Variants in TBC1D8 observed in about 807,000 individuals in gnomAD.
TBC1D8 encodes the protein BUB2-like protein 1.
Under a neutral mutation model 118.8 loss-of-function variants are expected in TBC1D8, and 65 were observed. That is an observed-to-expected ratio of 0.55 (90% CI 0.45 to 0.67). The LOEUF (loss-of-function observed/expected upper bound fraction) is 0.67, where lower values mean the gene tolerates loss of function less well. TBC1D8 is among the 30% of genes least tolerant of loss of function. The probability of loss-of-function intolerance (pLI) is 0.00; values close to 1 mark genes in which losing one functional copy is unlikely to be tolerated. For synonymous variants in TBC1D8, 566 were observed against 595.8 expected (o/e 0.95, Z 0.73); for missense variants, 1,376 against 1,471.2 (o/e 0.94, Z 1.06).
intron 2 of TBC1D8, among the ~76,000 whole-genome samples, chr2:101,079,141 C>A (rs555101817): frequency 6.6e-6 from 1 of 152,288 alleles, no homozygotes; most frequent in South Asian, 2.1e-4. Context: ...ATTAAGGAAT[C>A]ATTTAATAAA....
chr2:101,135,353 T>A (rs1678806907), intron 1 of TBC1D8, among the ~76,000 whole-genome samples: 1 of 152,076 alleles, frequency 6.6e-6, no homozygotes, highest in Non-Finnish European at 1.5e-5. Context: ...CAACATCTTC[T>A]TAGTACAGAC....
At chr2:101,124,486 A>G (rs1361943357) in intron 1 of TBC1D8, among the ~76,000 whole-genome samples, 1 of 152,212 alleles carries the variant, frequency 6.6e-6, no homozygotes, top group East Asian at 1.9e-4. Flanking sequence ...ACTAAAAAAC[A>G]ACTCTTCCAA....
At chr2:101,037,782 CTT>C in intron 7 of TBC1D8, 74 bp from the exon 8 acceptor site, 4 of 1,586,462 alleles carry the variant, frequency 2.5e-6, no homozygotes, top group Non-Finnish European at 3.4e-6. Flanking sequence ...AGGGGACAGT[CTT>C]TGTTTTGCCT....
chr2:101,093,086 T>C (rs1047143736), intron 1 of TBC1D8, among the ~76,000 whole-genome samples: 1 of 152,214 alleles, frequency 6.6e-6, no homozygotes, highest in Non-Finnish European at 1.5e-5. Flanking sequence ...ACTTAATGAA[T>C]AGTAAATATA....
chr2:101,038,445 T>A lies in TBC1D8; in HGVS notation c.1275+16A>T, dbSNP rs903632526. The A allele has an allele frequency of 6.2e-7, 1 of 1,611,086 alleles. No individual in the cohort carries two copies. On this transcript the variant is annotated intron_variant, in intron 7 of 19. Transcript: ENST00000409318. ...GACATGAAGAAGGGGATCATCAGGG[T>A]CTGGAGGGACCATACCATGTCATCA...
intron 5 of TBC1D8, among the ~76,000 whole-genome samples, chr2:101,043,122 C>T (rs1057268325): frequency 3.3e-5 from 5 of 152,222 alleles, no homozygotes; most frequent in African/African-American, 7.2e-5. Context: ...TTAAATTCTA[C>T]AGATCACAAC....
chr2:101,017,893 T>C lies in TBC1D8; in HGVS notation c.2827+3788A>G. On this transcript the variant is annotated intron_variant, in intron 17 of 19. Coordinates refer to ENST00000409318, the MANE Select transcript of TBC1D8 (RefSeq NM_001330348.2). ...ACGATGATCTCTTCAAAACAGATTG[T>C]CACCATCAGTGAGAAACCGAACAAG... 4 of 1,550,974 alleles carry C rather than the reference T, an allele frequency of 2.6e-6. No individual in the cohort carries two copies. The Middle Eastern group carries it at 5.0e-4, about 194-fold the overall frequency.
At chr2:101,090,981 G>A (rs1473206081) in intron 1 of TBC1D8, among the ~76,000 whole-genome samples, 1 of 152,162 alleles carries the variant, frequency 6.6e-6, no homozygotes, top group Admixed American at 6.5e-5. Context: ...AGGGTACTGT[G>A]AGATGTAAAT....
At chr2:101,148,200 G>A (rs1679397803) in intron 1 of TBC1D8, among the ~76,000 whole-genome samples, 1 of 152,178 alleles carries the variant, frequency 6.6e-6, no homozygotes, top group Admixed American at 6.5e-5. Context: ...TTTCCATAAT[G>A]GTCAGACTGC....
Position 101,033,762 on chromosome 2 carries a change from AGTTTTAAAAGCAAT to A in TBC1D8, c.1604-18_1604-5del. ...GAGGCAAGATCCGTCACCGCATCTG[AGTTTTAAAAGCAAT>A]GTTTCAAGGGGGAATGATTACTAGG... On this transcript the variant is annotated splice_region_variant and splice_polypyrimidine_tract_variant and intron_variant, in intron 9 of 19. Transcript: ENST00000409318. The A allele has an allele frequency of 6.2e-7, 1 of 1,610,038 alleles. No homozygotes were observed. Among genetic ancestry groups the A allele is most frequent in the Non-Finnish European group, 8.5e-7 (1 of 1,176,832 alleles).
At chr2:101,073,113 T>C (rs1317764223) in intron 2 of TBC1D8, among the ~76,000 whole-genome samples, 1 of 149,786 alleles carries the variant, frequency 6.7e-6, no homozygotes, top group African/African-American at 2.5e-5. Context: ...CAGTGAGTAC[T>C]GGCTTCAACT....
In TBC1D8 at chr2:101,022,231, A is replaced by G. The variant is rs762106050; in HGVS notation, c.2761+50T>C. On this transcript the variant is annotated intron_variant, in intron 16 of 19. Coordinates refer to ENST00000409318, the MANE Select transcript of TBC1D8 (RefSeq NM_001330348.2). ...CGAAGATCCACTTTGTGTTCTGCTC[A>G]CAGACCCACACCCCAAAGCACATCA... 4.3e-6 allele frequency: 7 copies of G among 1,611,134 alleles called. No homozygotes were observed. The East Asian group carries it at 1.6e-4, about 36-fold the overall frequency.
intron 4 of TBC1D8, 49 bp from the exon 5 acceptor site, chr2:101,050,690 A>C: frequency 6.3e-7 from 1 of 1,589,242 alleles, no homozygotes; most frequent in South Asian, 1.1e-5. Context: ...AATTTGAGCC[A>C]AACTTGAGTG....
chr2:101,040,877 A>T (rs1339137572), intron 5 of TBC1D8, among the ~76,000 whole-genome samples: 1 of 152,268 alleles, frequency 6.6e-6, no homozygotes, highest in Non-Finnish European at 1.5e-5. Context: ...TTCTAACTGC[A>T]TGGCCAACCT....
intron 2 of TBC1D8, among the ~76,000 whole-genome samples, chr2:101,082,520 G>A (rs941558138): frequency 4.6e-5 from 7 of 152,126 alleles, no homozygotes; most frequent in Non-Finnish European, 1.0e-4. Context: ...TCCTTGTTTC[G>A]ACTTATGCCC....
At chr2:101,117,023 G>A (rs1374649448) in intron 1 of TBC1D8, among the ~76,000 whole-genome samples, 6 of 152,076 alleles carry the variant, frequency 3.9e-5, no homozygotes, top group Admixed American at 6.5e-5. Context: ...GTGTCATCAC[G>A]AGCAGACGGC....
chr2:101,102,928 C>A (rs1229286714), intron 1 of TBC1D8, among the ~76,000 whole-genome samples: 1 of 151,846 alleles, frequency 6.6e-6, no homozygotes, highest in Non-Finnish European at 1.5e-5. Context: ...TACTACTAAA[C>A]CTTAAGAAAG....
At position 101,035,010 on chromosome 2, in the gene TBC1D8, T is replaced by G. The variant is rs113394555; in HGVS notation, c.1603+1008A>C. Reference sequence around the variant, plus strand: ...GTGTCTGGGCATCTCGGGCAGGAGGTTGGGGGCTGGGGGGGAGACAGGGAA... The same window carrying G: ...GTGTCTGGGCATCTCGGGCAGGAGGGTGGGGGCTGGGGGGGAGACAGGGAA... On this transcript the variant is annotated intron_variant, in intron 9 of 19. Transcript: ENST00000409318. 6.9e-3 allele frequency among the ~76,000 whole-genome samples: 1,039 copies of G among 151,494 alleles called. 10 individuals carry two copies. Among genetic ancestry groups the G allele is most frequent in the African/African-American group, 0.024 (972 of 41,246 alleles).
chr2:101,055,802 G>A (rs1025986996), intron 3 of TBC1D8, among the ~76,000 whole-genome samples: 13 of 151,954 alleles, frequency 8.6e-5, no homozygotes, highest in Non-Finnish European at 4.4e-5. Context: ...GAACTCCTGG[G>A]CCCCAAGCCT....
Sources: gnomAD v4.1 joint callset for allele counts (sites outside exome capture counted in the v4.1 genomes callset) on GRCh38, gnomAD v4.1.1 for gene constraint, MANE v1.5 for transcripts, NCBI Gene and HGNC (gene_info 2026-07-23, HGNC 2026-07-21) for gene names.